STARD13: variants seen among roughly 807,000 people sequenced by gnomAD.
STARD13 encodes the protein stAR-related lipid transfer protein 13.
A neutral mutation model predicts 106.4 loss-of-function variants in STARD13; 62 were observed. The observed-to-expected ratio is 0.58, with a 90% CI of 0.48 to 0.72. The LOEUF is 0.72. STARD13 is among the 30% of genes least tolerant of loss of function. STARD13 has a pLI of 0.00. For missense variants in STARD13, 1,387 were observed against 1,424.0 expected (o/e 0.97, Z 0.42); for synonymous variants, 565 against 553.0 (o/e 1.02, Z -0.31).
chr13:33,664,972 G>A, the STARD13 span, among the ~76,000 whole-genome samples: 3 of 152,182 alleles, frequency 2.0e-5, no homozygotes, highest in Non-Finnish European at 4.4e-5. Context: ...TGACGGAAAA[G>A]ATAAAATAAG....
chr13:33,448,153 G>A, the STARD13 span, among the ~76,000 whole-genome samples: 1 of 152,062 alleles, frequency 6.6e-6, no homozygotes, highest in African/African-American at 2.4e-5. Context: ...GATTATAATA[G>A]CGTATCCAGC....
At chr13:33,431,459 A>G in the STARD13 span, among the ~76,000 whole-genome samples, 27 of 152,320 alleles carry the variant, frequency 1.8e-4, no homozygotes, top group African/African-American at 5.5e-4. Context: ...TACATATTTG[A>G]CTCACATTTG....
the STARD13 span, among the ~76,000 whole-genome samples, chr13:33,388,668 G>A: frequency 6.6e-6 from 1 of 152,126 alleles, no homozygotes; most frequent in Non-Finnish European, 1.5e-5. Context: ...TTGTAGACAC[G>A]CCCTATCCTC....
chr13:33,565,799 T>C, the STARD13 span, among the ~76,000 whole-genome samples: 1 of 148,570 alleles, frequency 6.7e-6, no homozygotes, highest in Non-Finnish European at 1.5e-5. Flanking sequence ...CTGGCTATTC[T>C]CTTCCTACTC....
chr13:33,451,945 C>G, the STARD13 span, among the ~76,000 whole-genome samples: 1 of 152,074 alleles, frequency 6.6e-6, no homozygotes, highest in Non-Finnish European at 1.5e-5. Flanking sequence ...AGCCAGAAGA[C>G]AGAAATTAGA....
chr13:33,206,678 T>C (rs1412573858), intron 1 of STARD13, among the ~76,000 whole-genome samples: 1 of 152,204 alleles, frequency 6.6e-6, no homozygotes, highest in African/African-American at 2.4e-5. Flanking sequence ...GGTTAACCAC[T>C]ACCAAGTGGG....
chr13:33,437,250 T>C, the STARD13 span, among the ~76,000 whole-genome samples: 2 of 152,152 alleles, frequency 1.3e-5, no homozygotes, highest in Non-Finnish European at 2.9e-5. Flanking sequence ...TAGTTACCGG[T>C]GCATGCAGCC....
At chr13:33,531,325 A>G in the STARD13 span, among the ~76,000 whole-genome samples, 1 of 152,216 alleles carries the variant, frequency 6.6e-6, no homozygotes, top group East Asian at 1.9e-4. Context: ...TCTAAAGGCA[A>G]TCAGCTCTTT....
chr13:33,288,275 ATT>A (rs1167752869), upstream of STARD13, among the ~76,000 whole-genome samples: 1 of 152,008 alleles, frequency 6.6e-6, no homozygotes, highest in Non-Finnish European at 1.5e-5. Flanking sequence ...AATTGAATTT[ATT>A]TATTTATTTT....
intron 1 of STARD13, among the ~76,000 whole-genome samples, chr13:33,307,036 C>T (rs558094631): frequency 6.6e-6 from 1 of 152,044 alleles, no homozygotes; most frequent in African/African-American, 2.4e-5. Context: ...ATTTATGCTG[C>T]CAGCAAACAT....
chr13:33,429,864 G>A, the STARD13 span, among the ~76,000 whole-genome samples: 3 of 151,694 alleles, frequency 2.0e-5, no homozygotes, highest in South Asian at 2.1e-4. Context: ...AGTGCCACAG[G>A]GTGTGCCATA....
chr13:33,524,388 T>C, the STARD13 span: 4 of 593,352 alleles, frequency 6.7e-6, no homozygotes, highest in Non-Finnish European at 9.4e-6. Context: ...AAAAAATTTT[T>C]TAAAGAGGTT....
intron 1 of STARD13, among the ~76,000 whole-genome samples, chr13:33,326,885 G>C (rs2138546572): frequency 6.6e-6 from 1 of 152,292 alleles, no homozygotes; most frequent in Non-Finnish European, 1.5e-5. Context: ...AAACCATGCT[G>C]TTCTTCCATC....
the STARD13 span, among the ~76,000 whole-genome samples, chr13:33,445,871 G>C: frequency 6.6e-6 from 1 of 152,096 alleles, no homozygotes; most frequent in Non-Finnish European, 1.5e-5. Context: ...ATCTATTCAT[G>C]AGGGATCTGC....
the STARD13 span, among the ~76,000 whole-genome samples, chr13:33,666,202 T>C: frequency 6.6e-6 from 1 of 152,260 alleles, no homozygotes; most frequent in Non-Finnish European, 1.5e-5. Context: ...TTTCTCTGAA[T>C]TCATTTTGCA....
At chr13:33,420,471 A>G in the STARD13 span, among the ~76,000 whole-genome samples, 11 of 152,238 alleles carry the variant, frequency 7.2e-5, no homozygotes, top group African/African-American at 2.2e-4. Context: ...TTAGAGACCT[A>G]CAAAGAGACT....
the STARD13 span, among the ~76,000 whole-genome samples, chr13:33,431,097 C>A: frequency 0.49 from 75,081 of 152,032 alleles, 19,560 homozygotes; most frequent in African/African-American, 0.67. Context: ...AGACAAGACA[C>A]ATAATTAAGG....
At chr13:33,142,508 C>T in intron 3 of STARD13, 135 bp from the exon 4 acceptor site, 1 of 748,520 alleles carries the variant, frequency 1.3e-6, no homozygotes, top group Non-Finnish European at 2.3e-6. Context: ...GTACTGCACC[C>T]ACAGAAGGTA....
At chr13:33,506,829 G>T in the STARD13 span, among the ~76,000 whole-genome samples, 1 of 152,142 alleles carries the variant, frequency 6.6e-6, no homozygotes, top group South Asian at 2.1e-4. Context: ...AATACTTCTT[G>T]CCCAGGGATT....
Sources: allele counts gnomAD v4.1 joint callset (sites outside exome capture counted in the v4.1 genomes callset), GRCh38; gene constraint gnomAD v4.1.1; transcripts MANE v1.5; gene names NCBI Gene and HGNC (gene_info 2026-07-23, HGNC 2026-07-21).